REDIC1: variants seen among roughly 807,000 people sequenced by gnomAD.
REDIC1 encodes the protein regulator of DNA class I crossover intermediates 1, also known as HEI10 Interacting Protein 1.
chr12:39,796,723 G>C, the REDIC1 span, among the ~76,000 whole-genome samples: 9 of 152,072 alleles, frequency 5.9e-5, no homozygotes, highest in Non-Finnish European at 1.3e-4. Context: ...TGTTTAGATG[G>C]GTCTTTTGGT....
At chr12:39,708,863 A>G in the REDIC1 span, among the ~76,000 whole-genome samples, 1 of 151,770 alleles carries the variant, frequency 6.6e-6, no homozygotes, top group African/African-American at 2.4e-5. Context: ...TTGTTTTTCC[A>G]TATAACCTTT....
At chr12:39,787,052 C>T in the REDIC1 span, among the ~76,000 whole-genome samples, 1 of 152,024 alleles carries the variant, frequency 6.6e-6, no homozygotes, top group African/African-American at 2.4e-5. Context: ...GGCAGTCTAC[C>T]TAGATGTTAC....
the REDIC1 span, among the ~76,000 whole-genome samples, chr12:39,902,706 G>A: frequency 3.2e-4 from 48 of 151,804 alleles, no homozygotes; most frequent in African/African-American, 8.5e-4. Flanking sequence ...TCCCAAATGC[G>A]TCACCTTCAT....
the REDIC1 span, among the ~76,000 whole-genome samples, chr12:39,683,711 G>C: frequency 7.3e-5 from 11 of 151,578 alleles, no homozygotes; most frequent in African/African-American, 2.7e-4. Context: ...CTGAATATTA[G>C]TGTTGATTAG....
chr12:39,677,949 A>C, the REDIC1 span, among the ~76,000 whole-genome samples: 3 of 152,172 alleles, frequency 2.0e-5, no homozygotes, highest in African/African-American at 4.8e-5. Flanking sequence ...AGTGGTGCTA[A>C]GAGGAAAGTT....
At chr12:39,811,624 T>C in the REDIC1 span, among the ~76,000 whole-genome samples, 1 of 151,996 alleles carries the variant, frequency 6.6e-6, no homozygotes, top group Admixed American at 6.6e-5. Context: ...TTTGTGAAAA[T>C]TTTTTTTACT....
At chr12:39,702,843 A>G in the REDIC1 span, among the ~76,000 whole-genome samples, 1 of 152,244 alleles carries the variant, frequency 6.6e-6, no homozygotes, top group African/African-American at 2.4e-5. Flanking sequence ...CCACATGATT[A>G]TCTCAATAGA....
chr12:39,896,557 T>C, the REDIC1 span, among the ~76,000 whole-genome samples: 1 of 131,296 alleles, frequency 7.6e-6, no homozygotes, highest in East Asian at 2.7e-4. Context: ...TGTATACATG[T>C]ATACATATAT....
chr12:39,709,359 A>ATTATTGTTGCAAAAT, the REDIC1 span, among the ~76,000 whole-genome samples: 1 of 151,030 alleles, frequency 6.6e-6, no homozygotes, highest in Admixed American at 6.6e-5. Flanking sequence ...GTCTTTTTGC[A>ATTATTGTTGCAAAAT]TTATTGTTGC....
At chr12:39,888,210 G>T in the REDIC1 span, among the ~76,000 whole-genome samples, 2 of 152,104 alleles carry the variant, frequency 1.3e-5, no homozygotes, top group Non-Finnish European at 2.9e-5. Flanking sequence ...ACCATTCTAA[G>T]TTTTTATTTA....
chr12:39,890,005 GTC>G, the REDIC1 span, among the ~76,000 whole-genome samples: 1 of 152,058 alleles, frequency 6.6e-6, no homozygotes, highest in African/African-American at 2.4e-5. Context: ...GTAGTCTTAA[GTC>G]TATACTTGCC....
the REDIC1 span, among the ~76,000 whole-genome samples, chr12:39,668,669 C>G: frequency 2.2e-4 from 34 of 152,304 alleles, no homozygotes; most frequent in Non-Finnish European, 4.6e-4. Context: ...CGGTTCCGTT[C>G]TCCCTGTCAC....
chr12:39,848,580 G>A, the REDIC1 span, among the ~76,000 whole-genome samples: 1 of 152,166 alleles, frequency 6.6e-6, no homozygotes, highest in Non-Finnish European at 1.5e-5. Context: ...TGGTAGGAGT[G>A]TAAACTAATT....
chr12:39,883,417 C>T, the REDIC1 span, among the ~76,000 whole-genome samples: 1 of 152,144 alleles, frequency 6.6e-6, no homozygotes, highest in African/African-American at 2.4e-5. Context: ...AGCTTTTGAT[C>T]CAAACAATGA....
the REDIC1 span, among the ~76,000 whole-genome samples, chr12:39,750,819 C>A: frequency 6.6e-6 from 1 of 152,172 alleles, no homozygotes; most frequent in African/African-American, 2.4e-5. Flanking sequence ...GGAAACGATT[C>A]CCTATTTAAT....
At chr12:39,670,000 A>C in the REDIC1 span, among the ~76,000 whole-genome samples, 1 of 151,990 alleles carries the variant, frequency 6.6e-6, no homozygotes, top group Non-Finnish European at 1.5e-5. Context: ...TGCGCTTCCC[A>C]AGTGAGGCGA....
chr12:39,828,699 T>C, the REDIC1 span, among the ~76,000 whole-genome samples: 437 of 130,526 alleles, frequency 3.3e-3, 3 homozygotes, highest in Non-Finnish European at 5.3e-3. Context: ...AATTCTAGAC[T>C]AGTAGTAACT....
At chr12:39,867,493 G>A in the REDIC1 span, among the ~76,000 whole-genome samples, 1 of 151,836 alleles carries the variant, frequency 6.6e-6, no homozygotes, top group Non-Finnish European at 1.5e-5. Flanking sequence ...AAACTGTTAA[G>A]TCCATCCAAT....
the REDIC1 span, among the ~76,000 whole-genome samples, chr12:39,785,190 C>T: frequency 1.1e-4 from 16 of 152,112 alleles, no homozygotes; most frequent in South Asian, 2.1e-4. Context: ...ATCACAGGAC[C>T]GGAGGCCCAG....
Sources: gnomAD v4.1 joint callset for allele counts (sites outside exome capture counted in the v4.1 genomes callset) on GRCh38, gnomAD v4.1.1 for gene constraint, MANE v1.5 for transcripts, NCBI Gene and HGNC (gene_info 2026-07-23, HGNC 2026-07-21) for gene names.